Variants in RELN observed in about 807,000 individuals in gnomAD.
RELN encodes reelin.
RELN carries 108 observed loss-of-function variants against 427.6 expected under a neutral mutation model. That is an observed-to-expected ratio of 0.25 (90% confidence interval 0.22 to 0.30). RELN has a LOEUF of 0.30. Ranked by LOEUF, RELN falls within the 10% of genes least tolerant of loss-of-function variation. The pLI is 1.00. For synonymous variants in RELN, 1,524 were observed against 1,513.4 expected, an observed-to-expected ratio of 1.01 and a Z score of -0.16; for missense variants, 3,715 against 4,302.8, an observed-to-expected ratio of 0.86 and a Z score of 3.82.
chr7:103,541,167 C>T (rs557209011), intron 43 of RELN, among the ~76,000 whole-genome samples: 14 of 152,210 alleles, frequency 9.2e-5, no homozygotes, highest in South Asian at 2.1e-4. Flanking sequence ...TGGTGGCAGC[C>T]GGCCAGTGGC....
intron 11 of RELN, among the ~76,000 whole-genome samples, chr7:103,680,112 C>T (rs1833621672): frequency 1.3e-5 from 2 of 151,992 alleles, no homozygotes; most frequent in African/African-American, 4.8e-5. Flanking sequence ...TTATTTCCCC[C>T]CCAAACAATA....
intron 4 of RELN, among the ~76,000 whole-genome samples, chr7:103,771,273 CCTCT>C (rs1791563229): frequency 6.6e-6 from 1 of 151,922 alleles, no homozygotes; most frequent in Non-Finnish European, 1.5e-5. Flanking sequence ...TATCCACCAT[CCTCT>C]CTGTTTGTCC....
At chr7:103,596,329 C>A (rs1241080900) in intron 25 of RELN, 127 bp downstream of exon 25, 1 of 782,602 alleles carries the variant, frequency 1.3e-6, no homozygotes, top group Non-Finnish European at 2.3e-6. Flanking sequence ...ACTGGGCTAT[C>A]ATTCATGTTA....
At chr7:103,702,341 A>G (rs1209874487) in intron 8 of RELN, among the ~76,000 whole-genome samples, 1 of 152,222 alleles carries the variant, frequency 6.6e-6, no homozygotes, top group Non-Finnish European at 1.5e-5. Flanking sequence ...CAAGAATTTA[A>G]ATGTTACTCG....
At chr7:103,860,783 C>T (rs1323378105) in intron 2 of RELN, among the ~76,000 whole-genome samples, 1 of 152,008 alleles carries the variant, frequency 6.6e-6, no homozygotes, top group Non-Finnish European at 1.5e-5. Context: ...AATGTATTAT[C>T]ATCATCATCA....
At chr7:103,634,738 T>C (rs952931208) in intron 19 of RELN, among the ~76,000 whole-genome samples, 1 of 151,942 alleles carries the variant, frequency 6.6e-6, no homozygotes, top group South Asian at 2.1e-4. Context: ...TATAATATAA[T>C]TTATTACAAC....
intron 12 of RELN, among the ~76,000 whole-genome samples, chr7:103,656,514 G>C (rs1833026298): frequency 6.6e-6 from 1 of 152,052 alleles, no homozygotes; most frequent in South Asian, 2.1e-4. Flanking sequence ...TCCTAGAACA[G>C]CTCAGTTTAT....
chr7:103,779,328 A>G (rs1791827672), intron 3 of RELN, among the ~76,000 whole-genome samples: 1 of 152,230 alleles, frequency 6.6e-6, no homozygotes, highest in Non-Finnish European at 1.5e-5. Flanking sequence ...CATGTGCTCA[A>G]TGACATTATC....
intron 49 of RELN, among the ~76,000 whole-genome samples, chr7:103,516,808 T>C (rs1024824140): frequency 6.6e-6 from 1 of 152,158 alleles, no homozygotes; most frequent in Non-Finnish European, 1.5e-5. Flanking sequence ...TATCTCCATG[T>C]TGATTTTATT....
chr7:103,635,473 G>A lies in RELN; in HGVS notation c.2417C>T (p.Thr806Ile). The A allele has an allele frequency of 6.2e-7, 1 of 1,613,936 alleles. No homozygotes were observed. The highest frequency in any genetic ancestry group is 8.5e-7 in the Non-Finnish European group (1 of 1,179,922). ...TGAATAATGCTCCAGGAGTTTCCAA[G>A]TTATCCCATTATCATAAGAATAATG... ...LLHYSYDNGI[T>I]WKLLEHYSYL... The change falls in exon 19 of 65, where the codon ACT (threonine) becomes ATT (isoleucine). Residue 806 changes from threonine to isoleucine, a missense_variant. Transcript: ENST00000428762.
At chr7:103,828,702 A>T (rs1043474886) in intron 3 of RELN, among the ~76,000 whole-genome samples, 7 of 151,972 alleles carry the variant, frequency 4.6e-5, no homozygotes, top group African/African-American at 1.7e-4. Flanking sequence ...TCCATATATC[A>T]TACATATCAA....
At chr7:103,724,464 G>A (rs931959719) in intron 7 of RELN, among the ~76,000 whole-genome samples, 2 of 152,098 alleles carry the variant, frequency 1.3e-5, no homozygotes, top group African/African-American at 4.8e-5. Flanking sequence ...GTGACTGAAC[G>A]TGTGCTTTAA....
chr7:103,537,724 C>T (rs1384115428), intron 45 of RELN, among the ~76,000 whole-genome samples: 1 of 152,200 alleles, frequency 6.6e-6, no homozygotes, highest in East Asian at 1.9e-4. Flanking sequence ...CTCTTCTCCA[C>T]TAGATGCAGA....
chr7:103,719,965 C>A lies in RELN; in HGVS notation c.805+3175G>T, dbSNP rs79509540. Among the ~76,000 whole-genome samples the A allele has an allele frequency of 4.5e-3, 679 of 152,194 alleles. 10 individuals carry two copies. The highest frequency in any genetic ancestry group is 0.037 in the East Asian group (190 of 5,182). On this transcript the variant is annotated intron_variant, in intron 8 of 64. Coordinates refer to ENST00000428762, the MANE Select transcript of RELN (RefSeq NM_005045.4). ...ACATGATAAATTTCATCTTGCAGAACTGCATTTTCAGGATTCTTTGACTTT... is the reference window on the plus strand; with the variant it reads ...ACATGATAAATTTCATCTTGCAGAAATGCATTTTCAGGATTCTTTGACTTT...
At chr7:103,500,657 T>C (rs1168190901) in intron 53 of RELN, 88 bp downstream of exon 53, 19 of 1,329,240 alleles carry the variant, frequency 1.4e-5, no homozygotes, top group Non-Finnish European at 2.0e-5. Flanking sequence ...CAAAGGACAT[T>C]GTTATAGATT....
intron 8 of RELN, among the ~76,000 whole-genome samples, chr7:103,702,444 C>T (rs977850784): frequency 7.2e-5 from 11 of 152,160 alleles, no homozygotes; most frequent in African/African-American, 2.7e-4. Flanking sequence ...CAAATGATAA[C>T]CAAAAATATT....
At chr7:103,535,230 C>G (rs952507666) in intron 46 of RELN, 86 bp downstream of exon 46, 5 of 1,268,112 alleles carry the variant, frequency 3.9e-6, no homozygotes, top group Non-Finnish European at 5.8e-6. Context: ...CCTCACATAT[C>G]TCATTAAACT....
chr7:103,750,491 C>G (rs1790971280), intron 5 of RELN, among the ~76,000 whole-genome samples: 1 of 152,168 alleles, frequency 6.6e-6, no homozygotes, highest in Admixed American at 6.5e-5. Context: ...TGAGAATGAA[C>G]TAATATATCC....
At chr7:103,760,171 A>G (rs1406899110) in intron 4 of RELN, among the ~76,000 whole-genome samples, 1 of 151,930 alleles carries the variant, frequency 6.6e-6, no homozygotes, top group Non-Finnish European at 1.5e-5. Context: ...ATCCTTAGAT[A>G]GTATCTCAAT....
Sources: gnomAD v4.1 joint callset for allele counts (sites outside exome capture counted in the v4.1 genomes callset) on GRCh38, gnomAD v4.1.1 for gene constraint, MANE v1.5 for transcripts, NCBI Gene and HGNC (gene_info 2026-07-23, HGNC 2026-07-21) for gene names.